CTNNA2: variants seen among roughly 807,000 people sequenced by gnomAD.
The protein encoded by CTNNA2 is catenin alpha 2, also known as catenin alpha-2.
A neutral mutation model predicts 101.0 loss-of-function variants in CTNNA2; 42 were observed. The ratio of observed to expected loss-of-function variants is 0.42; its 90% CI spans 0.32 to 0.54. The LOEUF (loss-of-function observed/expected upper bound fraction) is 0.54, where lower values mean the gene tolerates loss of function less well. Ranked by LOEUF, CTNNA2 falls within the 20% of genes least tolerant of loss-of-function variation. The probability of loss-of-function intolerance (pLI) is 0.14; values close to 1 mark genes in which losing one functional copy is unlikely to be tolerated. For synonymous variants in CTNNA2, 450 were observed against 456.4 expected, an observed-to-expected ratio of 0.99 and a Z score of 0.18; for missense variants, 871 against 1,223.1, an observed-to-expected ratio of 0.71 and a Z score of 4.29.
chr2:80,347,223 G>A (rs1439779142), intron 7 of CTNNA2, among the ~76,000 whole-genome samples: 2 of 152,274 alleles, frequency 1.3e-5, no homozygotes, highest in South Asian at 2.1e-4. Context: ...TGTTCACTTC[G>A]GAGTTACAGG....
At chr2:80,044,752 T>A (rs1280563761) in intron 7 of CTNNA2, among the ~76,000 whole-genome samples, 2 of 152,042 alleles carry the variant, frequency 1.3e-5, no homozygotes, top group Admixed American at 1.3e-4. Context: ...TTGGTCATAT[T>A]TTTTTTTCTT....
chr2:80,016,185 A>G (rs533956496), intron 7 of CTNNA2, among the ~76,000 whole-genome samples: 7 of 152,372 alleles, frequency 4.6e-5, no homozygotes, highest in African/African-American at 1.4e-4. Flanking sequence ...TAAATTTTAA[A>G]TAAAGCATTC....
At chr2:80,089,344 A>T (rs989068231) in intron 7 of CTNNA2, among the ~76,000 whole-genome samples, 1 of 152,010 alleles carries the variant, frequency 6.6e-6, no homozygotes, top group Non-Finnish European at 1.5e-5. Context: ...CAAAGAAAGG[A>T]GTCCCTAATA....
At chr2:80,142,691 GT>G (rs1703088690) in intron 7 of CTNNA2, among the ~76,000 whole-genome samples, 1 of 152,080 alleles carries the variant, frequency 6.6e-6, no homozygotes, top group Non-Finnish European at 1.5e-5. Context: ...GTTCTGCTTT[GT>G]TTTGTTTGTT....
At chr2:80,324,414 A>G (rs1194993422) in intron 7 of CTNNA2, among the ~76,000 whole-genome samples, 5 of 151,948 alleles carry the variant, frequency 3.3e-5, no homozygotes, top group African/African-American at 1.2e-4. Context: ...GAGGGCTGCA[A>G]TCATCATGAC....
At chr2:80,344,676 G>A (rs1036831579) in intron 7 of CTNNA2, among the ~76,000 whole-genome samples, 2 of 152,112 alleles carry the variant, frequency 1.3e-5, no homozygotes, top group Non-Finnish European at 2.9e-5. Flanking sequence ...TGTAGATGTG[G>A]TGTTTCTCCA....
chr2:80,043,948 G>A (rs1420293794), intron 7 of CTNNA2, among the ~76,000 whole-genome samples: 1 of 152,144 alleles, frequency 6.6e-6, no homozygotes, highest in Non-Finnish European at 1.5e-5. Context: ...CTCATGTTGT[G>A]CATGTATACA....
chr2:79,257,533 T>G (rs1674864085), intron 2 of CTNNA2, among the ~76,000 whole-genome samples: 1 of 149,750 alleles, frequency 6.7e-6, no homozygotes, highest in Non-Finnish European at 1.5e-5. Flanking sequence ...AAAGTGGTAC[T>G]TAAATAAAAT....
chr2:80,126,545 C>A (rs1156679696), intron 7 of CTNNA2, among the ~76,000 whole-genome samples: 3 of 150,422 alleles, frequency 2.0e-5, no homozygotes, highest in Admixed American at 2.0e-4. Context: ...TTACTTTCTT[C>A]TTTATTCTCT....
chr2:80,634,772 T>C (rs1672695018), intron 18 of CTNNA2, among the ~76,000 whole-genome samples: 5 of 152,086 alleles, frequency 3.3e-5, no homozygotes, highest in Admixed American at 2.6e-4. Flanking sequence ...GTAATAGATA[T>C]GTTTTGAAAA....
chr2:80,071,674 T>TAA (rs1698351931), intron 7 of CTNNA2, among the ~76,000 whole-genome samples: 2 of 152,172 alleles, frequency 1.3e-5, no homozygotes, highest in Non-Finnish European at 2.9e-5. Context: ...CAGCTTGCAC[T>TAA]TAGTGTGGCG....
At chr2:79,775,250 G>A (rs946456293) in intron 3 of CTNNA2, among the ~76,000 whole-genome samples, 1 of 152,254 alleles carries the variant, frequency 6.6e-6, no homozygotes, top group African/African-American at 2.4e-5. Flanking sequence ...TTTGGTTGTA[G>A]AGGATACAGA....
chr2:80,046,635 G>T (rs989885446), intron 7 of CTNNA2, among the ~76,000 whole-genome samples: 2 of 152,134 alleles, frequency 1.3e-5, no homozygotes, highest in African/African-American at 4.8e-5. Flanking sequence ...GAACCATTCA[G>T]AACCACTCAC....
intron 1 of CTNNA2, among the ~76,000 whole-genome samples, chr2:79,572,374 G>C (rs544653444): frequency 6.6e-6 from 1 of 152,286 alleles, no homozygotes; most frequent in South Asian, 2.1e-4. Flanking sequence ...TGGAGGAGAA[G>C]AACCTGGACT....
chr2:80,298,627 A>G (rs1675970644), intron 7 of CTNNA2: 1 of 152,250 alleles, frequency 6.6e-6, no homozygotes. Context: ...GATTACTTAC[A>G]TATACTCATA....
chr2:80,127,563 G>C (rs923119321), intron 7 of CTNNA2, among the ~76,000 whole-genome samples: 2 of 152,178 alleles, frequency 1.3e-5, no homozygotes, highest in African/African-American at 4.8e-5. Context: ...TTATTTGGAA[G>C]AGATTCAACC....
At chr2:79,747,736 A>G (rs936967418) in intron 3 of CTNNA2, among the ~76,000 whole-genome samples, 1 of 152,206 alleles carries the variant, frequency 6.6e-6, no homozygotes, top group Non-Finnish European at 1.5e-5. Context: ...ACAAATTTCT[A>G]CAGATGCTAA....
chr2:79,198,919 G>A (rs898263022), intron 2 of CTNNA2, among the ~76,000 whole-genome samples: 3 of 152,190 alleles, frequency 2.0e-5, no homozygotes, highest in Non-Finnish European at 4.4e-5. Flanking sequence ...CTGGTAAGAT[G>A]TTACAATCAG....
At chr2:79,788,163 C>T (rs959576279) in intron 3 of CTNNA2, among the ~76,000 whole-genome samples, 1 of 152,130 alleles carries the variant, frequency 6.6e-6, no homozygotes, top group African/African-American at 2.4e-5. Context: ...CATTGGTGAA[C>T]TCTCAGTGCT....
Sources: gnomAD v4.1 joint callset for allele counts (sites outside exome capture counted in the v4.1 genomes callset) on GRCh38, gnomAD v4.1.1 for gene constraint, MANE v1.5 for transcripts, NCBI Gene and HGNC (gene_info 2026-07-23, HGNC 2026-07-21) for gene names.